The following HOMER2 variants were observed in gnomAD, a reference collection of about 807,000 sequenced individuals.
HOMER2 encodes the protein homer scaffold protein 2.
HOMER2 carries 27 observed loss-of-function variants against 47.0 expected under a neutral mutation model. The ratio of observed to expected loss-of-function variants is 0.57; its 90% CI spans 0.42 to 0.79. HOMER2 has a LOEUF of 0.79. Among genes scored for constraint, HOMER2 ranks in the 30% least tolerant of loss-of-function variants. The pLI is 0.00. For synonymous variants in HOMER2, 161 were observed against 163.8 expected (o/e 0.98, Z 0.13); for missense variants, 443 against 435.0 (o/e 1.02, Z -0.16).
At chr15:82,918,101 A>T (rs772427350) in intron 1 of HOMER2, among the ~76,000 whole-genome samples, 1 of 152,122 alleles carries the variant, frequency 6.6e-6, no homozygotes, top group Non-Finnish European at 1.5e-5. Context: ...AGCAGGCAGC[A>T]TTGCCCGAGC....
chr15:82,872,302 T>C (rs187281061), intron 3 of HOMER2, among the ~76,000 whole-genome samples: 54 of 152,214 alleles, frequency 3.5e-4, no homozygotes, highest in African/African-American at 1.2e-3. Context: ...CTGTTCCTCT[T>C]CCCCATTTCA....
chr15:82,921,886 TC>T (rs1307954087), intron 1 of HOMER2, among the ~76,000 whole-genome samples: 1 of 152,208 alleles, frequency 6.6e-6, no homozygotes, highest in Non-Finnish European at 1.5e-5. Context: ...GATAATTCCC[TC>T]CCATTCATTT....
At chr15:82,957,292 A>C (rs2054595369), upstream of HOMER2, among the ~76,000 whole-genome samples, 1 of 152,110 alleles carries the variant, frequency 6.6e-6, no homozygotes, top group Non-Finnish European at 1.5e-5. Flanking sequence ...AAAAAAAAAA[A>C]AACAGAGTGA....
intron 4 of HOMER2, among the ~76,000 whole-genome samples, chr15:82,861,386 A>G (rs1390852855): frequency 6.6e-6 from 1 of 152,220 alleles, no homozygotes; most frequent in African/African-American, 2.4e-5. Flanking sequence ...AACAGTTTTG[A>G]AAAGGAATAA....
chr15:82,859,303 T>G (rs75938323), intron 4 of HOMER2, 168 bp from the exon 5 acceptor site: 2 of 751,390 alleles, frequency 2.7e-6, no homozygotes, highest in South Asian at 1.8e-5. Flanking sequence ...AACAAGTTTT[T>G]GTTTTTTTTT....
At chr15:82,843,555 A>G (rs920689259) in exon 2 of HOMER2, 2 of 151,476 alleles carry the variant, frequency 1.3e-5, no homozygotes, top group Non-Finnish European at 2.9e-5. Flanking sequence ...AAACTTGACT[A>G]AAAGGTGTTT....
chr15:82,842,461 A>ATTTTTTTTTTTTTTTTTTT (rs372884842), exon 2 of HOMER2: 10 of 112,790 alleles, frequency 8.9e-5, no homozygotes, highest in Non-Finnish European at 1.3e-4. Flanking sequence ...CAGCCAGCTA[A>ATTTTTTTTTTTTTTTTTTT]TTTTTTTTTT....
intron 1 of HOMER2, among the ~76,000 whole-genome samples, chr15:82,940,975 T>C (rs2054253894): frequency 6.6e-6 from 1 of 152,112 alleles, no homozygotes; most frequent in African/African-American, 2.4e-5. Flanking sequence ...CAGTATTACA[T>C]ATAACCCTAG....
chr15:82,970,821 C>T (rs1370223854), intron 1 of HOMER2, among the ~76,000 whole-genome samples: 1 of 152,130 alleles, frequency 6.6e-6, no homozygotes, highest in Non-Finnish European at 1.5e-5. Flanking sequence ...CCTTTGACTA[C>T]AATAATATGT....
chr15:82,859,204 T>C, intron 4 of HOMER2, 69 bp from the exon 5 acceptor site: 1 of 1,605,392 alleles, frequency 6.2e-7, no homozygotes, highest in Non-Finnish European at 8.5e-7. Context: ...CGTTATTGCT[T>C]GTCTGCACAT....
intron 1 of HOMER2, among the ~76,000 whole-genome samples, chr15:82,974,839 G>A (rs761314447): frequency 6.6e-6 from 1 of 152,236 alleles, no homozygotes; most frequent in Non-Finnish European, 1.5e-5. Flanking sequence ...GGAGGCCGAG[G>A]CAGGTGGATC....
chr15:82,871,175 A>G (rs1327466018), intron 3 of HOMER2, among the ~76,000 whole-genome samples: 1 of 152,234 alleles, frequency 6.6e-6, no homozygotes, highest in Non-Finnish European at 1.5e-5. Flanking sequence ...CAGCCTATCT[A>G]AAGAGCAGGA....
chr15:82,962,599 C>T (rs893221221), intron 1 of HOMER2, among the ~76,000 whole-genome samples: 2 of 152,040 alleles, frequency 1.3e-5, no homozygotes, highest in African/African-American at 2.4e-5. Context: ...ATTGCTTGAA[C>T]CCGGGAGGTG....
intron 4 of HOMER2, among the ~76,000 whole-genome samples, chr15:82,862,428 C>G (rs1014457898): frequency 6.6e-6 from 1 of 152,188 alleles, no homozygotes; most frequent in East Asian, 1.9e-4. Flanking sequence ...AGGGGCAGCA[C>G]AGCAAGACCC....
intron 3 of HOMER2, among the ~76,000 whole-genome samples, chr15:82,865,010 A>G (rs2051920409): frequency 6.6e-6 from 1 of 152,244 alleles, no homozygotes; most frequent in South Asian, 2.1e-4. Flanking sequence ...TTTTATTGAG[A>G]ACTCATTTAT....
chr15:82,921,814 A>G (rs1359378026), intron 1 of HOMER2, among the ~76,000 whole-genome samples: 1 of 152,128 alleles, frequency 6.6e-6, no homozygotes, highest in Non-Finnish European at 1.5e-5. Context: ...TATATTTCTG[A>G]CATTGCCTTT....
chr15:82,918,606 T>C (rs1027057991), intron 1 of HOMER2, among the ~76,000 whole-genome samples: 1 of 152,116 alleles, frequency 6.6e-6, no homozygotes, highest in African/African-American at 2.4e-5. Flanking sequence ...GACACCTGAA[T>C]GTGTACCTCC....
intron 1 of HOMER2, among the ~76,000 whole-genome samples, chr15:82,950,374 T>C (rs1332010781): frequency 6.6e-6 from 1 of 152,116 alleles, no homozygotes; most frequent in Non-Finnish European, 1.5e-5. Flanking sequence ...AGTTTGTTTT[T>C]TTTTCCCTTA....
At chr15:82,914,935 G>A (rs980421778) in intron 1 of HOMER2, among the ~76,000 whole-genome samples, 8 of 152,140 alleles carry the variant, frequency 5.3e-5, no homozygotes, top group Non-Finnish European at 1.0e-4. Flanking sequence ...TGTAACCTTA[G>A]CGCCTTGGGA....
Sources: gnomAD v4.1 joint callset for allele counts (sites outside exome capture counted in the v4.1 genomes callset) on GRCh38, gnomAD v4.1.1 for gene constraint, MANE v1.5 for transcripts, NCBI Gene and HGNC (gene_info 2026-07-23, HGNC 2026-07-21) for gene names.